RYR3: variants seen among roughly 807,000 people sequenced by gnomAD.
RYR3 encodes the protein ryanodine receptor 3.
In RYR3, 207 loss-of-function variants were observed where a neutral mutation model predicts 584.3. The observed-to-expected ratio is 0.35, with a 90% CI of 0.32 to 0.40. The LOEUF (loss-of-function observed/expected upper bound fraction) is 0.40, where lower values mean the gene tolerates loss of function less well. RYR3 is among the 10% of genes least tolerant of loss of function. RYR3 has a pLI of 1.00. For missense variants in RYR3, 5,616 were observed against 6,089.2 expected (o/e 0.92, Z 2.59); for synonymous variants, 2,416 against 2,248.5 (o/e 1.07, Z -2.11).
intron 1 of RYR3, among the ~76,000 whole-genome samples, chr15:33,400,374 C>CCA (rs1319043269): frequency 6.6e-6 from 1 of 152,110 alleles, no homozygotes; most frequent in Admixed American, 6.5e-5. Flanking sequence ...CTTCCCCCCG[C>CCA]CACACACACA....
chr15:33,570,208 G>T (rs568837567), intron 12 of RYR3, among the ~76,000 whole-genome samples: 1 of 152,102 alleles, frequency 6.6e-6, no homozygotes. Context: ...AAATTTTAGC[G>T]TTTACATTTA....
At chr15:33,539,650 A>G (rs2055643157) in intron 6 of RYR3, among the ~76,000 whole-genome samples, 188 bp downstream of exon 6, 1 of 152,130 alleles carries the variant, frequency 6.6e-6, no homozygotes, top group South Asian at 2.1e-4. Flanking sequence ...TTAAAGTGTA[A>G]CTTTCGACTC....
chr15:33,772,328 C>T (rs1019980715), intron 63 of RYR3, among the ~76,000 whole-genome samples, 170 bp downstream of exon 63: 1 of 151,976 alleles, frequency 6.6e-6, no homozygotes, highest in Non-Finnish European at 1.5e-5. Flanking sequence ...AAGTAATATA[C>T]TCTTGGAATG....
Position 33,603,245 on chromosome 15 carries a change from T to G in RYR3, c.2045T>G (p.Val682Gly). The change falls in exon 18 of 104, where the codon GTG becomes GGG. Residue 682 changes from valine (V) to glycine (G), a missense_variant. Val to Gly is a moderately radical substitution (Grantham distance 109, BLOSUM62 -3). Around this residue, in one of 9 missense-constraint regions of RYR3, gnomAD observed 1,284 missense variants for 1,344.6 expected, o/e 0.95. Transcript: ENST00000634891. ...FLTAEPTHLR[V>G]GWASSSGYAP... ...ACAGCAGAGCCCACACATCTGCGGG[T>G]GGGCTGGGCCTCTTCTTCAGGCTAT... 6.2e-7 allele frequency: 1 copy of G among 1,613,830 alleles called. No homozygotes were observed.
intron 1 of RYR3, among the ~76,000 whole-genome samples, chr15:33,430,692 A>G (rs1346842603): frequency 6.6e-6 from 1 of 152,342 alleles, no homozygotes; most frequent in East Asian, 1.9e-4. Context: ...TCTATAAGGA[A>G]CAAAACATTC....
rs375082087 is a variant in RYR3, at chr15:33,540,786, T to C, written c.547-5T>C. The C allele has an allele frequency of 8.8e-6, 14 of 1,586,666 alleles. No individual in the cohort carries two copies. The African/African-American group carries it at 1.6e-4, about 18-fold the overall frequency. On this transcript the variant is annotated splice_polypyrimidine_tract_variant and splice_region_variant and intron_variant, in intron 6 of 103. Transcript: ENST00000634891. ...AAAGATGTCTCATTTCTGTTTCTGC[T>C]GCAGCATCTCTCAGTATCAAATGGT...
intron 80 of RYR3, among the ~76,000 whole-genome samples, chr15:33,821,832 A>C (rs114659559): frequency 6.6e-6 from 1 of 152,236 alleles, no homozygotes; most frequent in African/African-American, 2.4e-5. Context: ...GATTAAAGAT[A>C]AAAACATTTA....
At chr15:33,648,978 G>A in intron 30 of RYR3, 94 bp from the exon 31 acceptor site, 1 of 1,256,660 alleles carries the variant, frequency 8.0e-7, no homozygotes, top group Non-Finnish European at 1.1e-6. Flanking sequence ...GGGGGGCCAA[G>A]TGAGCTGCTG....
At chr15:33,330,071 A>G (rs1470179126) in intron 1 of RYR3, among the ~76,000 whole-genome samples, 4 of 152,178 alleles carry the variant, frequency 2.6e-5, no homozygotes, top group South Asian at 2.1e-4. Flanking sequence ...GAACAGTCAT[A>G]AGTCAGACTG....
chr15:33,337,934 A>AT (rs199625940), intron 1 of RYR3, among the ~76,000 whole-genome samples: 4,201 of 112,866 alleles, frequency 0.037, 429 homozygotes, highest in Middle Eastern at 0.046. Flanking sequence ...ATTTTAGGAG[A>AT]TTTTTTTTTT....
At chr15:33,492,464 C>CAAAA (rs61324117) in intron 2 of RYR3, among the ~76,000 whole-genome samples, 1 of 145,528 alleles carries the variant, frequency 6.9e-6, no homozygotes, top group Non-Finnish European at 1.5e-5. Flanking sequence ...TCTCTCAAAG[C>CAAAA]AAAAAAAAAA....
rs2077369921 is a variant in RYR3 at position 33,826,190 on chromosome 15, A to G, written c.11147-62A>G. On this transcript the variant is annotated intron_variant, in intron 82 of 103. Transcript: ENST00000634891. Reference sequence around the variant, plus strand: ...CACATAGCCAGTTTTAACTAAAGACAGTTTATCATGATGTTTACAGTTTTC... The same window carrying G: ...CACATAGCCAGTTTTAACTAAAGACGGTTTATCATGATGTTTACAGTTTTC... The G allele has an allele frequency of 2.6e-6, 4 of 1,520,208 alleles. No homozygotes were observed. In the South Asian group the frequency reaches 4.5e-5, roughly 17 times the overall value. The allele number at this position is 1,520,208 out of a possible 1,614,324, so 94.2% of individuals were successfully genotyped here. A position where few individuals can be genotyped will look rare whatever the true frequency, so the allele number is the denominator to read the frequency against.
chr15:33,708,829 G>T (rs1404799923), intron 43 of RYR3, among the ~76,000 whole-genome samples: 1 of 152,170 alleles, frequency 6.6e-6, no homozygotes, highest in African/African-American at 2.4e-5. Flanking sequence ...TCTTATTCCT[G>T]ATGCACGTGG....
intron 71 of RYR3, 65 bp from the exon 72 acceptor site, chr15:33,810,913 C>A: frequency 7.4e-7 from 1 of 1,348,750 alleles, no homozygotes; most frequent in South Asian, 1.2e-5. Flanking sequence ...TCCATACATC[C>A]CCATATGCTA....
At chr15:33,696,780 G>T (rs749468075) in intron 39 of RYR3, among the ~76,000 whole-genome samples, 1 of 152,154 alleles carries the variant, frequency 6.6e-6, no homozygotes, top group South Asian at 2.1e-4. Flanking sequence ...AGGAAGGGAC[G>T]GTGTGTTCAA....
At chr15:33,671,290 A>G (rs1252128327) in intron 38 of RYR3, among the ~76,000 whole-genome samples, 1 of 152,158 alleles carries the variant, frequency 6.6e-6, no homozygotes, top group East Asian at 1.9e-4. Context: ...CAAATTTATC[A>G]TTTGTTTAAA....
At chr15:33,521,261 A>G (rs1479226354) in intron 3 of RYR3, among the ~76,000 whole-genome samples, 3 of 152,152 alleles carry the variant, frequency 2.0e-5, no homozygotes, top group Non-Finnish European at 4.4e-5. Context: ...GAAAGAGACT[A>G]CTTTACTGGG....
intron 11 of RYR3, among the ~76,000 whole-genome samples, chr15:33,565,990 C>T (rs1025959608): frequency 1.3e-5 from 2 of 152,196 alleles, no homozygotes; most frequent in Non-Finnish European, 2.9e-5. Flanking sequence ...ATCATTGAAT[C>T]TTCCAACCCT....
chr15:33,821,596 G>A lies in RYR3; in HGVS notation c.10989G>A (p.Val3663=), dbSNP rs2077109981. The change falls in exon 80 of 104, where the codon GTG becomes GTA. Residue 3663 remains valine (V), a synonymous_variant. Coordinates refer to ENST00000634891, the MANE Select transcript of RYR3 (RefSeq NM_001036.6). ...TTCTGAACGGAGGCAATGCTGGTGT[G>A]CAACAGGTAACGGGAACTTGCAGCG... The part of the protein sequence containing the change: ...IAILNGGNAG[V]QQKMLDYLKE... The A allele has an allele frequency of 6.2e-7, 1 of 1,613,932 alleles. No homozygotes were observed. Among genetic ancestry groups the A allele is most frequent in the Non-Finnish European group, 8.5e-7 (1 of 1,179,870 alleles).
Sources: gnomAD v4.1 joint callset for allele counts (sites outside exome capture counted in the v4.1 genomes callset) on GRCh38, gnomAD v4.1.1 for gene constraint, gnomAD v4.1.1 regional missense constraint, MANE v1.5 for transcripts, NCBI Gene and HGNC (gene_info 2026-07-23, HGNC 2026-07-21) for gene names.